The following RAB27A variants were observed in gnomAD, a reference collection of about 807,000 sequenced individuals.
RAB27A encodes the protein RAB27A, member RAS oncogene family, also known as ras-related protein Rab-27A.
Under a neutral mutation model 20.8 loss-of-function variants are expected in RAB27A, and 17 were observed. The observed-to-expected ratio is 0.82, with a 90% CI of 0.56 to 1.23. The LOEUF (loss-of-function observed/expected upper bound fraction) is 1.23, where lower values mean the gene tolerates loss of function less well. Among genes scored for constraint, RAB27A ranks in the 50% most tolerant of loss-of-function variants. RAB27A has a pLI of 0.00. For synonymous variants in RAB27A, 85 were observed against 92.8 expected, an observed-to-expected ratio of 0.92 and a Z score of 0.48; for missense variants, 277 against 266.7, an observed-to-expected ratio of 1.04 and a Z score of -0.27.
intron 2 of RAB27A, among the ~76,000 whole-genome samples, chr15:55,253,246 G>C (rs749784823): frequency 6.6e-6 from 1 of 151,356 alleles, no homozygotes; most frequent in Non-Finnish European, 1.5e-5. Flanking sequence ...TCAGGTATTC[G>C]AGACCAGCCT....
chr15:55,253,412 A>G (rs1163468364), intron 2 of RAB27A, among the ~76,000 whole-genome samples: 2 of 151,292 alleles, frequency 1.3e-5, no homozygotes, highest in Non-Finnish European at 2.9e-5. Flanking sequence ...GTGCCACCGC[A>G]CTCCAGCCTG....
chr15:55,207,672 T>G (rs556884265), intron 6 of RAB27A, among the ~76,000 whole-genome samples: 1 of 152,176 alleles, frequency 6.6e-6, no homozygotes, highest in East Asian at 1.9e-4. Context: ...GACTTTTTTG[T>G]TTTTGTTTTT....
At chr15:55,230,569 C>A in intron 3 of RAB27A, 83 bp from the exon 4 acceptor site, 1 of 1,092,938 alleles carries the variant, frequency 9.1e-7, no homozygotes, top group Non-Finnish European at 1.4e-6. Flanking sequence ...AGTACAAATC[C>A]CAAAGGCATC....
At chr15:55,298,674 T>G (rs2054959554) in intron 2 of RAB27A, among the ~76,000 whole-genome samples, 1 of 152,156 alleles carries the variant, frequency 6.6e-6, no homozygotes, top group African/African-American at 2.4e-5. Context: ...TTCTTCTTCC[T>G]AATAAGCCTG....
intron 2 of RAB27A, among the ~76,000 whole-genome samples, chr15:55,310,753 G>A (rs750159736): frequency 5.3e-5 from 8 of 151,986 alleles, no homozygotes; most frequent in Admixed American, 6.5e-5. Context: ...TTTTGCTCCG[G>A]GCCTAAGGCA....
At position 55,252,288 on chromosome 15, in the gene RAB27A, T is replaced by C. The variant is rs184511827; in HGVS notation, c.-22-17332A>G. Among the ~76,000 whole-genome samples, 191 of 152,188 alleles carry C rather than the reference T, an allele frequency of 1.3e-3. 2 individuals are homozygous for C. Among genetic ancestry groups the C allele is most frequent in the African/African-American group, 4.5e-3 (187 of 41,532 alleles). On this transcript the variant is annotated intron_variant, in intron 2 of 6. Coordinates refer to ENST00000336787, the MANE Select transcript of RAB27A (RefSeq NM_183235.3). ...TATTCAGGTGATGGGTGCACTAAAA[T>C]CTCGGAATTTACCACTATATTATTC...
At chr15:55,260,011 G>C (rs1897218380) in intron 2 of RAB27A, 1 of 152,038 alleles carries the variant, frequency 6.6e-6, no homozygotes, top group Non-Finnish European at 1.5e-5. Context: ...CATTGCATTG[G>C]GATCACATAA....
chr15:55,212,141 A>G (rs9920165), intron 6 of RAB27A, among the ~76,000 whole-genome samples: 16,937 of 152,134 alleles, frequency 0.11, 982 homozygotes, highest in South Asian at 0.16. Flanking sequence ...TGTCTTACAT[A>G]CATGATTCAC....
intron 4 of RAB27A, 26 bp downstream of exon 4, chr15:55,230,375 G>C (rs1158858370): frequency 6.4e-7 from 1 of 1,556,630 alleles, no homozygotes; most frequent in Non-Finnish European, 8.9e-7. Context: ...CCTTCAGTAA[G>C]GAGCACATAA....
At chr15:55,311,795 T>C (rs186509526) in intron 2 of RAB27A, among the ~76,000 whole-genome samples, 2 of 152,284 alleles carry the variant, frequency 1.3e-5, no homozygotes, top group East Asian at 3.9e-4. Context: ...TGGTCCCAAT[T>C]CTCCAGAATA....
Position 55,245,501 on chromosome 15 carries a change from C to A in RAB27A, c.-22-10545G>T, listed in dbSNP as rs185601559. On this transcript the variant is annotated intron_variant, in intron 2 of 6. Transcript: ENST00000336787. Reference sequence around the variant, plus strand: ...CTAAATTCAGAATATTAGATAACTGCATTTTATATTCACCTATAACCTAAG... The same window carrying A: ...CTAAATTCAGAATATTAGATAACTGAATTTTATATTCACCTATAACCTAAG... 3.9e-5 allele frequency among the ~76,000 whole-genome samples: 6 copies of A among 152,260 alleles called. No homozygotes were observed. The East Asian group carries it at 1.2e-3, about 29-fold the overall frequency.
At chr15:55,246,175 C>A (rs1446265561) in intron 2 of RAB27A, among the ~76,000 whole-genome samples, 1 of 151,844 alleles carries the variant, frequency 6.6e-6, no homozygotes, top group Admixed American at 6.6e-5. Context: ...TTAACAGCAT[C>A]TTCCAGATGT....
chr15:55,296,154 A>G (rs550991453), intron 2 of RAB27A, among the ~76,000 whole-genome samples: 1 of 149,380 alleles, frequency 6.7e-6, no homozygotes, highest in East Asian at 2.2e-4. Flanking sequence ...TTGGCCTCCC[A>G]AAGTGCTGGG....
At position 55,205,414 on chromosome 15, in the gene RAB27A, A is replaced by G. The variant is rs1281818231; in HGVS notation, c.*93T>C. 7 of 1,310,634 alleles carry G rather than the reference A, an allele frequency of 5.3e-6. No homozygotes were observed. In the Admixed American group the frequency reaches 1.0e-4, roughly 19 times the overall value. 81.2% of individuals were successfully genotyped at this position (1,310,634 alleles called of 1,614,324 possible). ...GGATGGTGAGAAGCAATTTGTACAC[A>G]ATGCCCATTAATCTCTCACTGTGCC... On this transcript the variant is annotated 3_prime_UTR_variant, in exon 7 of 7. Coordinates refer to ENST00000336787, the MANE Select transcript of RAB27A (RefSeq NM_183235.3).
At chr15:55,251,609 T>C (rs949068321) in intron 2 of RAB27A, among the ~76,000 whole-genome samples, 5 of 152,186 alleles carry the variant, frequency 3.3e-5, no homozygotes, top group Middle Eastern at 3.2e-3. Context: ...AAAGTCAAGA[T>C]GTGGTTTGAA....
upstream of RAB27A, among the ~76,000 whole-genome samples, chr15:55,294,707 A>G (rs532755367): frequency 1.3e-5 from 2 of 152,216 alleles, no homozygotes; most frequent in African/African-American, 2.4e-5. Context: ...ATAGCTGAAT[A>G]TAAGAACTAA....
At chr15:55,235,769 G>A (rs760792370) in intron 2 of RAB27A, among the ~76,000 whole-genome samples, 20 of 151,888 alleles carry the variant, frequency 1.3e-4, no homozygotes, top group Non-Finnish European at 2.4e-4. Flanking sequence ...TAAAGAAATT[G>A]TGGTACACCA....
At chr15:55,211,012 G>A (rs1006472604) in intron 6 of RAB27A, among the ~76,000 whole-genome samples, 1 of 152,120 alleles carries the variant, frequency 6.6e-6, no homozygotes, top group Non-Finnish European at 1.5e-5. Context: ...ATCATTTATT[G>A]AAGAGAATGT....
At chr15:55,258,806 A>G (rs772208832) in intron 2 of RAB27A, among the ~76,000 whole-genome samples, 2 of 152,104 alleles carry the variant, frequency 1.3e-5, no homozygotes, top group African/African-American at 2.4e-5. Flanking sequence ...GCACATTTGT[A>G]TCTTTCTCCT....
Sources: gnomAD v4.1 joint callset for allele counts (sites outside exome capture counted in the v4.1 genomes callset) on GRCh38, gnomAD v4.1.1 for gene constraint, MANE v1.5 for transcripts, NCBI Gene and HGNC (gene_info 2026-07-23, HGNC 2026-07-21) for gene names.